Variants in COL5A2 observed in about 807,000 individuals in gnomAD.
COL5A2 encodes collagen alpha-2(V) chain.
Under a neutral mutation model 208.2 loss-of-function variants are expected in COL5A2, and 23 were observed. The ratio of observed to expected loss-of-function variants is 0.11; its 90% CI spans 0.08 to 0.16. The LOEUF is 0.16. COL5A2 is among the 10% of genes least tolerant of loss of function. The pLI, the probability that COL5A2 is intolerant of heterozygous loss-of-function variation, is 1.00. For missense variants in COL5A2, 1,590 were observed against 1,956.4 expected (o/e 0.81, Z 3.53); for synonymous variants, 625 against 628.5 (o/e 0.99, Z 0.08).
At chr2:189,310,450 A>G in the COL5A2 span, among the ~76,000 whole-genome samples, 1 of 152,238 alleles carries the variant, frequency 6.6e-6, no homozygotes, top group East Asian at 1.9e-4. Context: ...GTGTAGAAAA[A>G]TAAACCCTTG....
At chr2:189,385,288 C>T in the COL5A2 span, among the ~76,000 whole-genome samples, 1 of 152,060 alleles carries the variant, frequency 6.6e-6, no homozygotes, top group Non-Finnish European at 1.5e-5. Context: ...TTTGAGAATG[C>T]CAAATCAATG....
At chr2:189,349,323 T>A in the COL5A2 span, among the ~76,000 whole-genome samples, 1 of 152,088 alleles carries the variant, frequency 6.6e-6, no homozygotes, top group Non-Finnish European at 1.5e-5. Flanking sequence ...TGCTGAAAAT[T>A]AAAAGTGACA....
At chr2:189,389,087 T>C in the COL5A2 span, among the ~76,000 whole-genome samples, 1 of 152,214 alleles carries the variant, frequency 6.6e-6, no homozygotes, top group Admixed American at 6.5e-5. Flanking sequence ...GGAGTTTTTT[T>C]TGATAGCCAA....
At chr2:189,396,555 T>G in the COL5A2 span, among the ~76,000 whole-genome samples, 2 of 150,494 alleles carry the variant, frequency 1.3e-5, no homozygotes, top group Non-Finnish European at 2.9e-5. Context: ...GCCCCTATAG[T>G]CCGAGCTACT....
the COL5A2 span, among the ~76,000 whole-genome samples, chr2:189,244,219 T>G: frequency 6.6e-6 from 1 of 152,248 alleles, no homozygotes; most frequent in African/African-American, 2.4e-5. Context: ...GAATTTCTCT[T>G]CAGAAAATGG....
chr2:189,217,633 C>G (rs565519993), intron 1 of COL5A2, among the ~76,000 whole-genome samples: 5 of 152,282 alleles, frequency 3.3e-5, no homozygotes, highest in Admixed American at 3.3e-4. Flanking sequence ...AACATAAAAA[C>G]TCAGGGCTAA....
At chr2:189,042,593 T>A in intron 49 of COL5A2, 127 bp downstream of exon 49, 2 of 832,118 alleles carry the variant, frequency 2.4e-6, no homozygotes, top group Non-Finnish European at 4.0e-6. Context: ...CATATGTGTG[T>A]TGCCAACCTC....
At chr2:189,362,566 T>G in the COL5A2 span, among the ~76,000 whole-genome samples, 1 of 152,090 alleles carries the variant, frequency 6.6e-6, no homozygotes, top group Non-Finnish European at 1.5e-5. Flanking sequence ...AATTGCACCC[T>G]GACTGCCAGA....
chr2:189,130,777 G>T (rs1251010669), intron 1 of COL5A2, among the ~76,000 whole-genome samples: 1 of 151,892 alleles, frequency 6.6e-6, no homozygotes, highest in African/African-American at 2.4e-5. Context: ...TTACACAAGT[G>T]CCTGTGAAAA....
At chr2:189,036,517 G>T in intron 52 of COL5A2, 99 bp downstream of exon 52, 2 of 934,394 alleles carry the variant, frequency 2.1e-6, no homozygotes, top group Non-Finnish European at 1.6e-6. Context: ...GGTAAAATAA[G>T]CCTGGTTTAA....
the COL5A2 span, among the ~76,000 whole-genome samples, chr2:189,411,517 A>G: frequency 6.6e-6 from 1 of 152,188 alleles, no homozygotes; most frequent in Admixed American, 6.5e-5. Context: ...AGCACAAATT[A>G]TCACATGGTT....
At chr2:189,127,791 C>T (rs986190512) in intron 1 of COL5A2, among the ~76,000 whole-genome samples, 1 of 151,968 alleles carries the variant, frequency 6.6e-6, no homozygotes, top group Admixed American at 6.6e-5. Context: ...GTCATGCTCA[C>T]CTGTCTCCTC....
At chr2:189,168,967 C>T (rs916743803) in intron 1 of COL5A2, among the ~76,000 whole-genome samples, 3 of 152,108 alleles carry the variant, frequency 2.0e-5, no homozygotes, top group Admixed American at 6.5e-5. Context: ...GAGTCAATTT[C>T]ATAAAAATCT....
the COL5A2 span, among the ~76,000 whole-genome samples, chr2:189,379,851 A>G: frequency 1.7e-4 from 26 of 152,300 alleles, no homozygotes; most frequent in Non-Finnish European, 2.6e-4. Context: ...AAGAAGGTAA[A>G]TAAGATGAGG....
chr2:189,092,407 G>T lies in COL5A2; in HGVS notation c.470C>A (p.Pro157His). ...GPKGRPGPRG[P>H]QGIDGEPGVP... ...ACCTGGTTCTCCATCAATTCCCTGA[G>T]GTCCACGAGGGCCCTGGAAAACAAG... Residue 157 changes from proline (P) to histidine (H), a missense_variant, in exon 7 of 54, where the codon CCT (proline) becomes CAT (histidine). Physicochemically the swap from Pro to His is moderately conservative, Grantham distance 77 (BLOSUM62 -2). Transcript: ENST00000374866. 6.3e-7 allele frequency: 1 copy of T among 1,596,388 alleles called. No homozygotes were observed. Among genetic ancestry groups the T allele is most frequent in the Non-Finnish European group, 8.5e-7 (1 of 1,169,982 alleles).
At chr2:189,254,761 A>C in the COL5A2 span, among the ~76,000 whole-genome samples, 61 of 152,342 alleles carry the variant, frequency 4.0e-4, no homozygotes, top group Middle Eastern at 3.4e-3. Flanking sequence ...ATCTGAAGCA[A>C]ATGTTGTTGA....
chr2:189,325,957 C>T, the COL5A2 span, among the ~76,000 whole-genome samples: 1 of 151,932 alleles, frequency 6.6e-6, no homozygotes, highest in African/African-American at 2.4e-5. Context: ...ATTAGTCCGG[C>T]ATAGTGGCAC....
chr2:189,413,341 A>C, the COL5A2 span, among the ~76,000 whole-genome samples: 1 of 152,176 alleles, frequency 6.6e-6, no homozygotes, highest in African/African-American at 2.4e-5. Context: ...AGGATCCTCT[A>C]ATCACTCATC....
At chr2:189,235,801 T>C in the COL5A2 span, among the ~76,000 whole-genome samples, 1 of 151,728 alleles carries the variant, frequency 6.6e-6, no homozygotes, top group Admixed American at 6.6e-5. Flanking sequence ...CTGCTATCCC[T>C]AGACAAGGCT....
Sources: allele counts gnomAD v4.1 joint callset (sites outside exome capture counted in the v4.1 genomes callset), GRCh38; gene constraint gnomAD v4.1.1; transcripts MANE v1.5; gene names NCBI Gene and HGNC (gene_info 2026-07-23, HGNC 2026-07-21).